The following PLEKHO2 variants were observed in gnomAD, a reference collection of about 807,000 sequenced individuals.
PLEKHO2 encodes pleckstrin homology domain-containing family O member 2.
In PLEKHO2, 20 loss-of-function variants were observed where a neutral mutation model predicts 32.7. That is an observed-to-expected ratio of 0.61 (90% CI 0.43 to 0.89). PLEKHO2 has a LOEUF of 0.89. PLEKHO2 is among the 40% of genes least tolerant of loss of function. The pLI is 0.00. For missense variants in PLEKHO2, 568 were observed against 621.2 expected (o/e 0.91, Z 0.91); for synonymous variants, 247 against 246.3 (o/e 1.00, Z -0.03).
rs767616771 is a variant in PLEKHO2 at position 64,861,588 on chromosome 15, C to G, written c.483+13C>G. The G allele has an allele frequency of 6.3e-7, 1 of 1,577,500 alleles. No individual in the cohort carries two copies. Among genetic ancestry groups the G allele is most frequent in the South Asian group, 1.2e-5 (1 of 86,152 alleles). On this transcript the variant is annotated intron_variant, in intron 5 of 5. Coordinates refer to ENST00000323544, the MANE Select transcript of PLEKHO2 (RefSeq NM_025201.5). ...CCACCTGAAGGAGGTAGGGCCTTAC[C>G]CAGTGTGGATGTTGGGGTTAGTTGA...
chr15:64,855,022 A>G lies in PLEKHO2; in HGVS notation c.264A>G (p.Arg88=). 6.3e-7 allele frequency: 1 copy of G among 1,585,968 alleles called. No homozygotes were observed. The highest frequency in any genetic ancestry group is 1.1e-5 in the South Asian group (1 of 87,084). The part of the protein sequence containing the change: ...LKRKHRFILL[R]SPGNKVSDIK... ...GAAAACACCGCTTTATCCTGCTGCG[A>G]TCCCCAGGGAACAAGGTAGGGCGAT... Residue 88 remains arginine (R), a synonymous_variant, in exon 3 of 6, where the codon CGA becomes CGG. Coordinates refer to ENST00000323544, the MANE Select transcript of PLEKHO2 (RefSeq NM_025201.5).
rs2084689952 is a variant in PLEKHO2 at position 64,866,566 on chromosome 15, C to G, written c.*678C>G. On this transcript the variant is annotated 3_prime_UTR_variant, in exon 6 of 6. Transcript: ENST00000323544. The stretch of plus-strand genomic sequence containing the variant: ...GCAAAACAAGGACATTTTCTGCAGC[C>G]CCTTCCTCTCAGTGAGCTATGATTG... 5.6e-6 allele frequency: 2 copies of G among 356,434 alleles called. No homozygotes were observed. Among genetic ancestry groups the G allele is most frequent in the East Asian group, 1.5e-4 (2 of 13,366 alleles). 22.1% of individuals were successfully genotyped at this position (356,434 alleles called of 1,614,324 possible). A position where few individuals can be genotyped will look rare whatever the true frequency, so the allele number is the denominator to read the frequency against.
At chr15:64,855,231 G>C (rs890990192) in intron 3 of PLEKHO2, among the ~76,000 whole-genome samples, 194 bp downstream of exon 3, 1 of 152,236 alleles carries the variant, frequency 6.6e-6, no homozygotes, top group African/African-American at 2.4e-5. Flanking sequence ...GCCCCTAGTT[G>C]ATAAGAGATG....
Position 64,860,020 on chromosome 15 carries a change from T to C in PLEKHO2, c.384+22T>C, listed in dbSNP as rs1352607625. The C allele has an allele frequency of 6.9e-6, 11 of 1,592,382 alleles. No individual in the cohort carries two copies. In the African/African-American group the frequency reaches 1.2e-4, roughly 17 times the overall value. On this transcript the variant is annotated intron_variant, in intron 4 of 5. Transcript: ENST00000323544. ...TGAGGTGCGATGCAGTCTGTGGACA[T>C]GGACAGCTCTGTGTCTCCTTTCCCA...
intron 1 of PLEKHO2, among the ~76,000 whole-genome samples, chr15:64,845,227 T>TTA (rs2084514045): frequency 6.6e-6 from 1 of 150,796 alleles, no homozygotes. Context: ...TTTTTTTTTT[T>TTA]TTTTTTAATG....
intron 1 of PLEKHO2, among the ~76,000 whole-genome samples, chr15:64,842,808 G>C (rs928125341): frequency 6.6e-6 from 1 of 152,174 alleles, no homozygotes; most frequent in African/African-American, 2.4e-5. Flanking sequence ...CCCTGCCCCT[G>C]CCCTTTACTT....
In PLEKHO2 at chr15:64,847,192, C is replaced by A. The variant is rs140085959; in HGVS notation, c.13-1401C>A. Among the ~76,000 whole-genome samples, 134 of 152,342 alleles carry A rather than the reference C, an allele frequency of 8.8e-4. 1 individual carries two copies. Among genetic ancestry groups the A allele is most frequent in the African/African-American group, 3.1e-3 (130 of 41,584 alleles). Reference sequence around the variant, plus strand: ...CCAGGCTGGGGTTCCCCTGCCATGACAGAGACCAGGGAAGCCAGGTCTTCC... The same window carrying A: ...CCAGGCTGGGGTTCCCCTGCCATGAAAGAGACCAGGGAAGCCAGGTCTTCC... On this transcript the variant is annotated intron_variant, in intron 1 of 5. Coordinates refer to ENST00000323544, the MANE Select transcript of PLEKHO2 (RefSeq NM_025201.5).
At chr15:64,863,308 G>A (rs1262831160) in intron 5 of PLEKHO2, among the ~76,000 whole-genome samples, 4 of 152,132 alleles carry the variant, frequency 2.6e-5, no homozygotes. Flanking sequence ...CCGGAGGGAG[G>A]GACCCAAGGT....
chr15:64,852,627 CTT>C (rs1217070066), intron 2 of PLEKHO2, among the ~76,000 whole-genome samples: 1 of 145,100 alleles, frequency 6.9e-6, no homozygotes. Context: ...AGCAGTGGTT[CTT>C]TTTTTTTTTG....
chr15:64,845,698 G>C (rs575866695), intron 1 of PLEKHO2, among the ~76,000 whole-genome samples: 1 of 152,228 alleles, frequency 6.6e-6, no homozygotes, highest in Non-Finnish European at 1.5e-5. Flanking sequence ...ACTTGTTTCT[G>C]TAGGTAATCC....
intron 2 of PLEKHO2, among the ~76,000 whole-genome samples, chr15:64,851,704 G>A (rs901598176): frequency 6.6e-6 from 1 of 152,158 alleles, no homozygotes; most frequent in South Asian, 2.1e-4. Context: ...CTGCAGAAGA[G>A]CTGGGATGAT....
chr15:64,861,679 G>A, intron 5 of PLEKHO2, 104 bp downstream of exon 5: 1 of 881,830 alleles, frequency 1.1e-6, no homozygotes, highest in Non-Finnish European at 1.7e-6. Flanking sequence ...GAGGACACCT[G>A]GAGCTGGGGC....
chr15:64,852,690 G>A (rs1567096068), intron 2 of PLEKHO2, among the ~76,000 whole-genome samples: 1 of 151,774 alleles, frequency 6.6e-6, no homozygotes, highest in East Asian at 2.0e-4. Flanking sequence ...GTGCTATCTC[G>A]GCTCTCTGCA....
rs761535124 is a variant in PLEKHO2, at chr15:64,865,541, C to A, written c.1126C>A (p.Pro376Thr). The A allele has an allele frequency of 4.3e-6, 7 of 1,614,066 alleles. No individual in the cohort carries two copies. The highest frequency in any genetic ancestry group is 2.2e-5 in the East Asian group (1 of 44,886). The change falls in exon 6 of 6, where the codon CCC becomes ACC. Residue 376 changes from proline to threonine, a missense_variant. By Grantham distance (38) the Pro-to-Thr change is conservative. Coordinates refer to ENST00000323544, the MANE Select transcript of PLEKHO2 (RefSeq NM_025201.5). ...PKDATTSTAL[P>T]PWDLPPQFHP... ...GGATGCAACAACATCCACAGCACTG[C>A]CCCCCTGGGACCTGCCACCTCAGTT... is the stretch of plus-strand genomic sequence containing the variant.
Position 64,841,997 on chromosome 15 carries a change from G to C in PLEKHO2, c.-20G>C. 8.0e-7 allele frequency: 1 copy of C among 1,246,366 alleles called. No individual in the cohort carries two copies. Among genetic ancestry groups the C allele is most frequent in the African/African-American group, 1.5e-5 (1 of 64,644 alleles). The allele number at this position is 1,246,366 out of a possible 1,614,324, so 77.2% of individuals were successfully genotyped here. On this transcript the variant is annotated 5_prime_UTR_variant, in exon 1 of 6. Coordinates refer to ENST00000323544, the MANE Select transcript of PLEKHO2 (RefSeq NM_025201.5). ...CGCTGGAAGCGAGTGGCGGAGCGGC[G>C]GGACCTCGGCGGACTCGCCATGGAG...
At chr15:64,851,510 AG>A (rs1892507895) in intron 2 of PLEKHO2, among the ~76,000 whole-genome samples, 1 of 152,186 alleles carries the variant, frequency 6.6e-6, no homozygotes, top group South Asian at 2.1e-4. Context: ...CTTAACACTT[AG>A]GGGTGGGGGA....
At position 64,865,261 on chromosome 15, in the gene PLEKHO2, C is replaced by A. The variant is rs138474762; in HGVS notation, c.846C>A (p.Ala282=). The change falls in exon 6 of 6, where the codon GCC becomes GCA. Residue 282 remains alanine (A), a synonymous_variant. Coordinates refer to ENST00000323544, the MANE Select transcript of PLEKHO2 (RefSeq NM_025201.5). ...GGGAGAACCCCAGCCCCCAGGAGGC[C>A]CCTGCTGCAGAGAGTGCAGAACCGT... ...VSWENPSPQE[A]PAAESAEPSQ... The A allele has an allele frequency of 8.1e-6, 13 of 1,613,970 alleles. No homozygotes were observed. The highest frequency in any genetic ancestry group is 1.0e-5 in the Non-Finnish European group (12 of 1,179,900).
chr15:64,848,280 T>A (rs2140338926), intron 1 of PLEKHO2, among the ~76,000 whole-genome samples: 1 of 152,328 alleles, frequency 6.6e-6, no homozygotes, highest in African/African-American at 2.4e-5. Flanking sequence ...TCATCCTCCA[T>A]TCTGAGCTTT....
intron 3 of PLEKHO2, among the ~76,000 whole-genome samples, chr15:64,858,882 T>C (rs1474418132): frequency 6.6e-6 from 1 of 152,186 alleles, no homozygotes; most frequent in Non-Finnish European, 1.5e-5. Context: ...TAACTCTCCA[T>C]CGTGTAAAAC....
Sources: gnomAD v4.1 joint callset for allele counts (sites outside exome capture counted in the v4.1 genomes callset) on GRCh38, gnomAD v4.1.1 for gene constraint, MANE v1.5 for transcripts, NCBI Gene and HGNC (gene_info 2026-07-23, HGNC 2026-07-21) for gene names.